DOT1L: variants seen among roughly 807,000 people sequenced by gnomAD.
DOT1L encodes histone-lysine N-methyltransferase, H3 lysine-79 specific.
DOT1L carries 33 observed loss-of-function variants against 153.3 expected under a neutral mutation model. The ratio of observed to expected loss-of-function variants is 0.22; its 90% CI spans 0.16 to 0.29. The LOEUF (loss-of-function observed/expected upper bound fraction) is 0.29, where lower values mean the gene tolerates loss of function less well. DOT1L is among the 10% of genes least tolerant of loss of function. DOT1L has a pLI of 1.00. For missense variants in DOT1L, 1,847 were observed against 2,119.9 expected, an observed-to-expected ratio of 0.87 and a Z score of 2.53; for synonymous variants, 1,135 against 965.1, an observed-to-expected ratio of 1.18 and a Z score of -3.26.
chr19:2,169,587 G>A (rs181696393), intron 1 of DOT1L, among the ~76,000 whole-genome samples: 17 of 152,148 alleles, frequency 1.1e-4, no homozygotes, highest in African/African-American at 3.4e-4. Context: ...TCCGCCTCCT[G>A]GGTTCAAGTG....
intron 1 of DOT1L, among the ~76,000 whole-genome samples, chr19:2,178,898 A>G (rs750888745): frequency 3.9e-5 from 6 of 152,176 alleles, no homozygotes; most frequent in Non-Finnish European, 7.3e-5. Flanking sequence ...GAAAGTTGCA[A>G]AGCACCGCAC....
intron 27 of DOT1L, chr19:2,227,929 C>G: frequency 8.4e-7 from 1 of 1,194,332 alleles, no homozygotes. Flanking sequence ...CCTCCGCCTC[C>G]CCCGCTGCCC....
chr19:2,229,703 G>T, intron 27 of DOT1L, 82 bp from the exon 28 acceptor site: 1 of 1,608,896 alleles, frequency 6.2e-7, no homozygotes. Flanking sequence ...GGGAGGCCTC[G>T]GTCCCCAGCC....
chr19:2,194,527 G>C lies in DOT1L; in HGVS notation c.601G>C (p.Glu201Gln). The C allele has an allele frequency of 1.9e-6, 3 of 1,613,902 alleles. No individual in the cohort carries two copies. Among genetic ancestry groups the C allele is most frequent in the Non-Finnish European group, 2.5e-6 (3 of 1,180,006 alleles). Residue 201 changes from glutamate (E) to glutamine (Q), a missense_variant, in exon 7 of 28, where the codon GAG becomes CAG. Coordinates refer to ENST00000398665, the MANE Select transcript of DOT1L (RefSeq NM_032482.3). ...PAKYAETMDR[E>Q]FRKWMKWYGK... is the part of the protein sequence containing the mutation. Reference sequence around the variant, plus strand: ...TCTTTCCTTCCAGACCATGGACCGCGAGTTCAGGAAGTGGATGAAATGGTA... The same window carrying C: ...TCTTTCCTTCCAGACCATGGACCGCCAGTTCAGGAAGTGGATGAAATGGTA...
At chr19:2,172,878 T>C (rs781255771) in intron 1 of DOT1L, among the ~76,000 whole-genome samples, 1 of 151,478 alleles carries the variant, frequency 6.6e-6, no homozygotes, top group African/African-American at 2.4e-5. Flanking sequence ...TGTTTTAGGC[T>C]GGACGTGAGA....
chr19:2,228,911 G>T (rs1447741155), intron 27 of DOT1L: 1 of 985,302 alleles, frequency 1.0e-6, no homozygotes, highest in African/African-American at 1.7e-5. Context: ...CCCTCATAGG[G>T]AGCCAGTGAA....
At chr19:2,218,690 G>T (rs144710604) in intron 22 of DOT1L, among the ~76,000 whole-genome samples, 2 of 149,516 alleles carry the variant, frequency 1.3e-5, no homozygotes, top group African/African-American at 4.9e-5. Context: ...ACGACGTCTG[G>T]CCTCTTTCTT....
intron 3 of DOT1L, 140 bp from the exon 4 acceptor site, chr19:2,189,592 A>G (rs569662365): frequency 2.3e-6 from 2 of 865,834 alleles, no homozygotes; most frequent in East Asian, 2.7e-5. Flanking sequence ...GGCTTCTGCC[A>G]GAAGGGTCTT....
At chr19:2,170,873 CGT>C (rs2021584507) in intron 1 of DOT1L, among the ~76,000 whole-genome samples, 2 of 152,266 alleles carry the variant, frequency 1.3e-5, no homozygotes, top group Admixed American at 1.3e-4. Flanking sequence ...TCTCCCGGAA[CGT>C]GTGTCTCCCG....
At position 2,193,424 on chromosome 19, in the gene DOT1L, A is replaced by G. The variant is rs1215730807; in HGVS notation, c.494-265A>G. On this transcript the variant is annotated intron_variant, in intron 5 of 27. Coordinates refer to ENST00000398665, the MANE Select transcript of DOT1L (RefSeq NM_032482.3). The surrounding 1 kb of genome is among the most constrained non-coding windows in gnomAD (Gnocchi z 5.9). The stretch of plus-strand genomic sequence containing the variant: ...ACATCACATAGGGCCCTGAGACTCA[A>G]AATGGATTCTGGTTTCGGGGGCCAC... Among the ~76,000 whole-genome samples the G allele has an allele frequency of 1.3e-5, 2 of 152,214 alleles. No homozygotes were observed. The highest frequency in any genetic ancestry group is 4.8e-5 in the African/African-American group (2 of 41,442).
rs372777026 is a variant in DOT1L at position 2,217,101 on chromosome 19, C to T, written c.2544+11C>T. On this transcript the variant is annotated intron_variant, in intron 21 of 27. Coordinates refer to ENST00000398665, the MANE Select transcript of DOT1L (RefSeq NM_032482.3). The surrounding 1 kb of genome is among the most constrained non-coding windows in gnomAD (Gnocchi z 7.3). ...AAGAGCAGTGAGAAGGTGCGGGCCG[C>T]GACCCCTGCCCCGGGCTCAGGGAGG... The T allele has an allele frequency of 2.9e-5, 46 of 1,582,338 alleles. No individual in the cohort carries two copies. The African/African-American group carries it at 3.6e-4, about 12-fold the overall frequency.
chr19:2,227,314 C>G (rs1267944497), intron 27 of DOT1L, 187 bp downstream of exon 27: 19 of 810,042 alleles, frequency 2.3e-5, no homozygotes, highest in Non-Finnish European at 3.7e-5. Context: ...CACGCTGAGT[C>G]CGTGTGTCTT....
intron 15 of DOT1L, 120 bp from the exon 16 acceptor site, chr19:2,211,631 C>T (rs1348607486): frequency 5.9e-6 from 5 of 841,200 alleles, no homozygotes; most frequent in African/African-American, 5.1e-5. Context: ...TGCTGAGCTC[C>T]TGCCTCATGA....
chr19:2,188,477 G>GC (rs1568338432), intron 3 of DOT1L, among the ~76,000 whole-genome samples: 1 of 101,966 alleles, frequency 9.8e-6, no homozygotes, highest in Non-Finnish European at 2.0e-5. Context: ...GTCCCCAGCC[G>GC]CCGCCCCCCC....
intron 12 of DOT1L, among the ~76,000 whole-genome samples, 182 bp downstream of exon 12, chr19:2,209,158 C>T (rs1448821654): frequency 6.6e-6 from 1 of 152,112 alleles, no homozygotes; most frequent in Admixed American, 6.6e-5. Context: ...ACTCCTGGTC[C>T]TCTCCCTACC....
At chr19:2,206,876 C>A (rs527849544) in intron 10 of DOT1L, 79 bp downstream of exon 10, 1 of 1,434,130 alleles carries the variant, frequency 7.0e-7, no homozygotes, top group South Asian at 1.2e-5. Context: ...GGTCCCTCTT[C>A]CTTGACCCTG....
chr19:2,186,019 T>C, intron 3 of DOT1L, 90 bp downstream of exon 3: 1 of 1,234,338 alleles, frequency 8.1e-7, no homozygotes, highest in South Asian at 1.2e-5. Context: ...TTAGCTCTTC[T>C]TAGATGGTGC....
At chr19:2,209,542 G>T (rs935907683) in intron 12 of DOT1L, among the ~76,000 whole-genome samples, 3 of 152,176 alleles carry the variant, frequency 2.0e-5, no homozygotes, top group African/African-American at 7.2e-5. Context: ...CCCGCGCCCT[G>T]CACGCGCTGC....
intron 7 of DOT1L, among the ~76,000 whole-genome samples, chr19:2,198,456 C>T (rs749363582): frequency 6.6e-5 from 10 of 152,196 alleles, no homozygotes; most frequent in Non-Finnish European, 1.5e-4. Flanking sequence ...TCTGGATCTG[C>T]GTCTGGGTGG....
Sources: allele counts gnomAD v4.1 joint callset (sites outside exome capture counted in the v4.1 genomes callset), GRCh38; gene constraint gnomAD v4.1.1; non-coding constraint Gnocchi (gnomAD v3.1); transcripts MANE v1.5; gene names NCBI Gene and HGNC (gene_info 2026-07-23, HGNC 2026-07-21).